ENDOD1: variants seen among roughly 807,000 people sequenced by gnomAD.
ENDOD1 encodes the protein endonuclease domain-containing 1 protein.
ENDOD1 carries 9 observed loss-of-function variants against 6.5 expected under a neutral mutation model. That is an observed-to-expected ratio of 1.39 (90% CI 0.84 to 2.43). The LOEUF is 2.43. ENDOD1 is among the 30% of genes most tolerant of loss of function. The pLI, the probability that ENDOD1 is intolerant of heterozygous loss-of-function variation, is 0.00. For missense variants in ENDOD1, 648 were observed against 635.5 expected, an observed-to-expected ratio of 1.02 and a Z score of -0.21; for synonymous variants, 255 against 255.2, an observed-to-expected ratio of 1.00 and a Z score of 0.01.
chr11:95,095,383 G>A (rs2134161078), intron 1 of ENDOD1, among the ~76,000 whole-genome samples: 1 of 2,350 alleles, frequency 4.3e-4, no homozygotes, highest in East Asian at 0.17. Flanking sequence ...CTATTGTGCT[G>A]AGACTGGATA....
Position 95,129,200 on chromosome 11 carries a change from G to A in ENDOD1, c.1124G>A (p.Cys375Tyr), listed in dbSNP as rs1432124632. Reference protein sequence around the residue: ...TKQVINGIESCLYRLGSATIS... With the variant: ...TKQVINGIESYLYRLGSATIS... ...CAGGTGATTAATGGCATAGAAAGTT[G>A]CCTTTACCGCCTGGGCTCAGCCACC... Residue 375 changes from cysteine (C) to tyrosine (Y), a missense_variant, in exon 2 of 2, where the codon TGC (cysteine) becomes TAC (tyrosine). Cys to Tyr is a radical substitution (Grantham distance 194). Transcript: ENST00000278505. 1 of 1,614,154 alleles carries A rather than the reference G, an allele frequency of 6.2e-7. No individual in the cohort carries two copies. Among genetic ancestry groups the A allele is most frequent in the South Asian group, 1.1e-5 (1 of 91,086 alleles).
chr11:95,128,688 C>T lies in ENDOD1; in HGVS notation c.612C>T (p.Pro204=), dbSNP rs749716498. 2 of 1,614,182 alleles carry T rather than the reference C, an allele frequency of 1.2e-6. No individual in the cohort carries two copies. Among genetic ancestry groups the T allele is most frequent in the South Asian group, 2.2e-5 (2 of 91,084 alleles). The change falls in exon 2 of 2, where the codon CCC becomes CCT. Residue 204 remains proline, a synonymous_variant. Coordinates refer to ENST00000278505, the MANE Select transcript of ENDOD1 (RefSeq NM_015036.3). The part of the protein sequence containing the change: ...EDLYILTGTV[P]SDYRVKDKVA... ...TATATATCCTCACAGGCACAGTGCC[C>T]TCAGACTACAGAGTTAAAGACAAAG...
rs545531388 is a variant in ENDOD1 at position 95,104,002 on chromosome 11, G to A, written c.300+13775G>A. 5.3e-5 allele frequency among the ~76,000 whole-genome samples: 8 copies of A among 152,272 alleles called. No individual in the cohort carries two copies. In the South Asian group the frequency reaches 1.7e-3, roughly 32 times the overall value. On this transcript the variant is annotated intron_variant, in intron 1 of 1. Transcript: ENST00000278505. ...CACCTGCTCTGTCACCACCTTGCTCGTGACTGCCCACAGCTTTTAGTCTGG... is the reference window on the plus strand; with the variant it reads ...CACCTGCTCTGTCACCACCTTGCTCATGACTGCCCACAGCTTTTAGTCTGG...
chr11:95,099,368 G>A (rs1316200934), intron 1 of ENDOD1, among the ~76,000 whole-genome samples: 2 of 152,218 alleles, frequency 1.3e-5, no homozygotes, highest in African/African-American at 2.4e-5. Context: ...CTGTTGGATT[G>A]GATGTGGTGC....
chr11:95,098,703 T>A (rs1389582916), intron 1 of ENDOD1, among the ~76,000 whole-genome samples: 1 of 152,098 alleles, frequency 6.6e-6, no homozygotes, highest in Non-Finnish European at 1.5e-5. Context: ...AGTGTTTTTT[T>A]TTTCACATGT....
intron 1 of ENDOD1, among the ~76,000 whole-genome samples, chr11:95,112,049 C>G (rs1183779555): frequency 2.0e-5 from 3 of 152,196 alleles, no homozygotes; most frequent in Non-Finnish European, 2.9e-5. Flanking sequence ...GTCTTCTTTC[C>G]TGAGCCCTCT....
At chr11:95,111,831 A>T (rs782132397) in intron 1 of ENDOD1, among the ~76,000 whole-genome samples, 4 of 152,108 alleles carry the variant, frequency 2.6e-5, no homozygotes, top group African/African-American at 4.8e-5. Flanking sequence ...CTGCCCTAAG[A>T]TGCTATGTCA....
At chr11:95,103,495 A>G (rs962981279) in intron 1 of ENDOD1, among the ~76,000 whole-genome samples, 17 of 152,196 alleles carry the variant, frequency 1.1e-4, no homozygotes, top group Non-Finnish European at 2.1e-4. Flanking sequence ...GGAATCCAAG[A>G]TGTCGTCCTG....
chr11:95,114,910 T>C (rs1859191008), intron 1 of ENDOD1, among the ~76,000 whole-genome samples: 1 of 152,208 alleles, frequency 6.6e-6, no homozygotes, highest in Non-Finnish European at 1.5e-5. Context: ...TGTAGTATAA[T>C]TTGAAGTCAG....
At chr11:95,097,311 A>G (rs527502188) in intron 1 of ENDOD1, among the ~76,000 whole-genome samples, 10 of 152,318 alleles carry the variant, frequency 6.6e-5, no homozygotes, top group African/African-American at 2.2e-4. Flanking sequence ...TAGACATGAA[A>G]GAAGTAAGAA....
At chr11:95,126,728 C>T (rs486616) in intron 1 of ENDOD1, among the ~76,000 whole-genome samples, 127,069 of 152,184 alleles carry the variant, frequency 0.83, 53,625 homozygotes, top group East Asian at 1. Flanking sequence ...TTACTCAGGT[C>T]GGAGTGCAGT....
chr11:95,095,880 C>T (rs1462636654), intron 1 of ENDOD1, among the ~76,000 whole-genome samples: 1 of 152,202 alleles, frequency 6.6e-6, no homozygotes, highest in Non-Finnish European at 1.5e-5. Flanking sequence ...TATTTTCTAA[C>T]TAAAATGTTA....
rs974840559 is a variant in ENDOD1, at chr11:95,131,508, T to G, written c.*1929T>G. 3.3e-5 allele frequency: 5 copies of G among 152,228 alleles called. 1 individual carries two copies. The highest frequency in any genetic ancestry group is 1.2e-4 in the African/African-American group (5 of 41,452). 9.4% of individuals were successfully genotyped at this position (152,228 alleles called of 1,614,324 possible). ...AGAGCAGATTAGGAGCCAACGTTGT[T>G]TGCACATGTCCCATCACACCTGAGA... On this transcript the variant is annotated 3_prime_UTR_variant, in exon 2 of 2. Coordinates refer to ENST00000278505, the MANE Select transcript of ENDOD1 (RefSeq NM_015036.3).
intron 1 of ENDOD1, among the ~76,000 whole-genome samples, chr11:95,114,530 T>C (rs1368315211): frequency 6.6e-6 from 1 of 152,242 alleles, no homozygotes; most frequent in Non-Finnish European, 1.5e-5. Context: ...ATTTTTGTTA[T>C]GGTTGCCTGT....
intron 1 of ENDOD1, among the ~76,000 whole-genome samples, chr11:95,114,268 C>T (rs1555112254): frequency 6.6e-6 from 1 of 151,474 alleles, no homozygotes; most frequent in Non-Finnish European, 1.5e-5. Flanking sequence ...AAGTGCACAC[C>T]ACCATGCCTA....
Position 95,108,221 on chromosome 11 carries a change from G to C in ENDOD1, c.300+17994G>C, listed in dbSNP as rs141390843. Among the ~76,000 whole-genome samples the C allele has an allele frequency of 3.0e-3, 450 of 152,238 alleles. 2 individuals carry two copies. Among genetic ancestry groups the C allele is most frequent in the African/African-American group, 0.01 (423 of 41,562 alleles). On this transcript the variant is annotated intron_variant, in intron 1 of 1. Coordinates refer to ENST00000278505, the MANE Select transcript of ENDOD1 (RefSeq NM_015036.3). ...ATGCAAGTAGAACACCCACCCTTTC[G>C]AACGTTTTATCTTCCGTTCCACCGT...
At chr11:95,116,230 G>A (rs1859207696) in intron 1 of ENDOD1, among the ~76,000 whole-genome samples, 1 of 152,166 alleles carries the variant, frequency 6.6e-6, no homozygotes, top group Non-Finnish European at 1.5e-5. Flanking sequence ...GGTTGTATAT[G>A]CCTAGGAATT....
intron 1 of ENDOD1, among the ~76,000 whole-genome samples, chr11:95,122,520 G>A (rs936483103): frequency 4.7e-5 from 7 of 149,992 alleles, no homozygotes; most frequent in East Asian, 2.0e-4. Context: ...TTATATGTGC[G>A]TGAGCCACCA....
chr11:95,115,300 T>G (rs2134170480), intron 1 of ENDOD1, among the ~76,000 whole-genome samples: 1 of 152,096 alleles, frequency 6.6e-6, no homozygotes, highest in Middle Eastern at 3.4e-3. Context: ...TATTCGCTGT[T>G]GATATATAGA....
Sources: gnomAD v4.1 joint callset for allele counts (sites outside exome capture counted in the v4.1 genomes callset) on GRCh38, gnomAD v4.1.1 for gene constraint, MANE v1.5 for transcripts, NCBI Gene and HGNC (gene_info 2026-07-23, HGNC 2026-07-21) for gene names.